KLF8: variants seen among roughly 807,000 people sequenced by gnomAD.
KLF8 encodes the protein KLF transcription factor 8.
Under a neutral mutation model 18.2 loss-of-function variants are expected in KLF8, and 10 were observed. The ratio of observed to expected loss-of-function variants is 0.55; its 90% CI spans 0.34 to 0.93. The LOEUF (loss-of-function observed/expected upper bound fraction) is 0.93. KLF8 is among the 40% of genes least tolerant of loss of function. KLF8 has a pLI of 0.02. For synonymous variants in KLF8, 109 were observed against 97.3 expected, an observed-to-expected ratio of 1.12 and a Z score of -0.71; for missense variants, 264 against 277.9, an observed-to-expected ratio of 0.95 and a Z score of 0.36.
chrX:56,056,987 C>T, the KLF8 span, among the ~76,000 whole-genome samples: 4 of 111,765 alleles, frequency 3.6e-5, no homozygotes, highest in African/African-American at 6.5e-5. Context: ...CCAGCAACAG[C>T]AGCAGTCTGG....
At chrX:56,205,546 G>A in the KLF8 span, among the ~76,000 whole-genome samples, 186 of 112,154 alleles carry the variant, frequency 1.7e-3, 1 homozygote, top group African/African-American at 5.8e-3. Flanking sequence ...CTAATGTATT[G>A]TTGAATTTGG....
At chrX:56,006,118 A>T in the KLF8 span, among the ~76,000 whole-genome samples, 1 of 111,955 alleles carries the variant, frequency 8.9e-6, no homozygotes, top group Admixed American at 9.4e-5. Flanking sequence ...AACCTTTGGG[A>T]CTTACACATC....
the KLF8 span, among the ~76,000 whole-genome samples, chrX:56,075,857 A>G: frequency 8.9e-6 from 1 of 112,112 alleles, no homozygotes; most frequent in Non-Finnish European, 1.9e-5. Flanking sequence ...CATTATTTTT[A>G]TGGCTGAATA....
At chrX:55,914,334 A>G in the KLF8 span, among the ~76,000 whole-genome samples, 26 of 111,962 alleles carry the variant, frequency 2.3e-4, no homozygotes, top group Non-Finnish European at 4.7e-4. Flanking sequence ...CAGCCTGGGT[A>G]TACAAAAATC....
At position 56,286,298 on chromosome X, in the gene KLF8, G is replaced by A. The variant is rs1381413041; in HGVS notation, c.*1804G>A. 3 of 110,903 alleles carry A rather than the reference G, an allele frequency of 2.7e-5. No individual in the cohort carries two copies. The allele number at this position is 110,903 out of a possible 1,213,427, so 9.1% of individuals were successfully genotyped here. A position where few individuals can be genotyped will look rare whatever the true frequency, so the allele number is the denominator to read the frequency against. ...CTCCCAAATAGCTTGGATTACAGGT[G>A]CGTGCCACCACACCTAGCTAAGTTT... On this transcript the variant is annotated 3_prime_UTR_variant, in exon 6 of 6. Transcript: ENST00000468660.
chrX:56,099,425 T>A, the KLF8 span, among the ~76,000 whole-genome samples: 1 of 111,147 alleles, frequency 9.0e-6, no homozygotes. Context: ...TTAGGTAAAT[T>A]AGTAACCCTG....
chrX:55,994,227 T>C, the KLF8 span, among the ~76,000 whole-genome samples: 1 of 30,962 alleles, frequency 3.2e-5, no homozygotes, highest in Non-Finnish European at 1.2e-4. Flanking sequence ...ATGGTCTTAA[T>C]AGACTTTTTT....
At chrX:56,055,538 T>C in the KLF8 span, among the ~76,000 whole-genome samples, 10 of 111,777 alleles carry the variant, frequency 8.9e-5, no homozygotes, top group African/African-American at 2.0e-4. Flanking sequence ...ATGATTATGT[T>C]GCTTGGGGAT....
the KLF8 span, among the ~76,000 whole-genome samples, chrX:56,077,688 G>T: frequency 2.7e-5 from 3 of 111,766 alleles, no homozygotes; most frequent in South Asian, 1.1e-3. Flanking sequence ...GAAAGTCATT[G>T]GTAGCTTGAT....
chrX:55,956,396 A>AT, the KLF8 span, among the ~76,000 whole-genome samples: 7 of 110,660 alleles, frequency 6.3e-5, no homozygotes, highest in South Asian at 3.8e-4. Flanking sequence ...TCTGCTTTTG[A>AT]TTTTTTTTGT....
At chrX:56,233,437 T>G in intron 1 of KLF8, 96 bp downstream of exon 1, 2 of 692,028 alleles carry the variant, frequency 2.9e-6, no homozygotes, top group South Asian at 2.3e-5. Context: ...CACACCCCAC[T>G]TGGGGTTTCA....
chrX:56,259,205 C>T (rs1297174551), intron 2 of KLF8, among the ~76,000 whole-genome samples: 1 of 110,568 alleles, frequency 9.0e-6, no homozygotes, highest in Non-Finnish European at 1.9e-5. Flanking sequence ...TTCTCTCTCT[C>T]TCTCTCCCCC....
At chrX:56,228,374 T>C (rs1359000030), upstream of KLF8, among the ~76,000 whole-genome samples, 1 of 112,091 alleles carries the variant, frequency 8.9e-6, no homozygotes, top group African/African-American at 3.2e-5. Flanking sequence ...TTGGGGACCA[T>C]CTTTAAGAAA....
At position 56,270,307 on chromosome X, in the gene KLF8, G is replaced by A. The variant is rs139041929; in HGVS notation, c.884G>A (p.Arg295His). The A allele has an allele frequency of 3.4e-6, 4 of 1,162,842 alleles. No homozygotes were observed. Among genetic ancestry groups the A allele is most frequent in the Middle Eastern group, 2.5e-4 (1 of 4,018 alleles). ...AAAAGCTCTCACCTGAAAGCTCACCGCAGAATCCATACAGGTCTGCCCACT... is the reference window on the plus strand; with the variant it reads ...AAAAGCTCTCACCTGAAAGCTCACCACAGAATCCATACAGGTCTGCCCACT... ...YTKSSHLKAH[R>H]RIHTGEKPYK... Residue 295 changes from arginine to histidine, a missense_variant, in exon 5 of 6, where the codon CGC (arginine) becomes CAC (histidine). By Grantham distance (29) the Arg-to-His change is conservative (BLOSUM62 0). Around this residue, in one of 2 missense-constraint regions of KLF8, gnomAD observed 43 missense variants for 84.3 expected, o/e 0.51. Transcript: ENST00000468660.
chrX:56,008,137 T>TATACAC, the KLF8 span, among the ~76,000 whole-genome samples: 2 of 106,447 alleles, frequency 1.9e-5, no homozygotes, highest in African/African-American at 7.3e-5. Context: ...TATATATATA[T>TATACAC]ACACACACAA....
the KLF8 span, among the ~76,000 whole-genome samples, chrX:55,999,475 T>G: frequency 1.8e-5 from 2 of 108,758 alleles, no homozygotes; most frequent in African/African-American, 6.7e-5. Context: ...TGACCATGGA[T>G]TGTATTTCCA....
At chrX:56,148,160 A>G in the KLF8 span, among the ~76,000 whole-genome samples, 1 of 112,171 alleles carries the variant, frequency 8.9e-6, no homozygotes, top group Non-Finnish European at 1.9e-5. Flanking sequence ...CACCCTCAGA[A>G]ATTAATAATG....
chrX:56,269,201 A>T (rs1049730646), intron 3 of KLF8, 177 bp from the exon 4 acceptor site: 13 of 1,038,255 alleles, frequency 1.3e-5, no homozygotes, highest in African/African-American at 9.7e-5. Flanking sequence ...GCAAAAAAAA[A>T]AAATAAAATG....
At chrX:56,002,359 ACAC>A in the KLF8 span, among the ~76,000 whole-genome samples, 1 of 110,253 alleles carries the variant, frequency 9.1e-6, no homozygotes, top group East Asian at 2.8e-4. Flanking sequence ...CACACTCATC[ACAC>A]TTTGTACTTC....
Sources: allele counts gnomAD v4.1 joint callset (sites outside exome capture counted in the v4.1 genomes callset), GRCh38; gene constraint gnomAD v4.1.1; regional missense constraint gnomAD v4.1.1; transcripts MANE v1.5; gene names NCBI Gene and HGNC (gene_info 2026-07-23, HGNC 2026-07-21).